The following SCCPDH variants were observed in gnomAD, a reference collection of about 807,000 sequenced individuals.
The protein encoded by SCCPDH is saccharopine dehydrogenase (putative).
Under a neutral mutation model 51.5 loss-of-function variants are expected in SCCPDH, and 34 were observed. The observed-to-expected ratio is 0.66, with a 90% CI of 0.50 to 0.88. The LOEUF (loss-of-function observed/expected upper bound fraction) is 0.88, where lower values mean the gene tolerates loss of function less well. SCCPDH is among the 40% of genes least tolerant of loss of function. The pLI is 0.00. For synonymous variants in SCCPDH, 187 were observed against 191.3 expected, an observed-to-expected ratio of 0.98 and a Z score of 0.19; for missense variants, 464 against 527.1, an observed-to-expected ratio of 0.88 and a Z score of 1.17.
chr1:246,737,115 A>G (rs1330693528), intron 3 of SCCPDH, among the ~76,000 whole-genome samples: 1 of 152,140 alleles, frequency 6.6e-6, no homozygotes, highest in African/African-American at 2.4e-5. Flanking sequence ...ACTGATTATC[A>G]TCATCAGCAT....
intron 5 of SCCPDH, among the ~76,000 whole-genome samples, chr1:246,748,175 G>A (rs1293280150): frequency 3.3e-5 from 5 of 152,092 alleles, no homozygotes; most frequent in Non-Finnish European, 1.5e-5. Flanking sequence ...GTTTTAGTTA[G>A]TGCTGCATCT....
At chr1:246,761,580 G>A (rs1341990086) in intron 9 of SCCPDH, among the ~76,000 whole-genome samples, 1 of 152,076 alleles carries the variant, frequency 6.6e-6, no homozygotes, top group African/African-American at 2.4e-5. Context: ...CCCAGCCCCG[G>A]CAACCGCATT....
At chr1:246,730,625 A>T (rs548610092) in intron 2 of SCCPDH, among the ~76,000 whole-genome samples, 4 of 152,242 alleles carry the variant, frequency 2.6e-5, no homozygotes, top group Admixed American at 6.5e-5. Flanking sequence ...TAGTCAGTCC[A>T]TATAGTAACC....
At chr1:246,756,949 TAGAA>T (rs1668940084) in intron 5 of SCCPDH, among the ~76,000 whole-genome samples, 1 of 152,142 alleles carries the variant, frequency 6.6e-6, no homozygotes, top group Non-Finnish European at 1.5e-5. Flanking sequence ...GTAAACAACA[TAGAA>T]GGAAGGACAT....
At position 246,726,898 on chromosome 1, in the gene SCCPDH, C is replaced by G; in HGVS notation, c.197C>G (p.Pro66Arg). ...LEKAALKLGR[P>R]TLSSEVGIII... The stretch of plus-strand genomic sequence containing the variant: ...CATTTGTTTCTTATTTTAGGAAGAC[C>G]AACACTGTCATCTGAAGTTGGAATC... The change falls in exon 2 of 12, where the codon CCA becomes CGA. Residue 66 changes from proline (P) to arginine (R), a missense_variant. Physicochemically the swap from Pro to Arg is moderately radical, Grantham distance 103 (BLOSUM62 -2). Coordinates refer to ENST00000366510, the MANE Select transcript of SCCPDH (RefSeq NM_016002.3). 2 of 1,610,628 alleles carry G rather than the reference C, an allele frequency of 1.2e-6. No individual in the cohort carries two copies. The highest frequency in any genetic ancestry group is 1.7e-6 in the Non-Finnish European group (2 of 1,177,008).
intron 1 of SCCPDH, among the ~76,000 whole-genome samples, chr1:246,726,100 AC>A (rs1668396321): frequency 6.6e-6 from 1 of 151,752 alleles, no homozygotes. Flanking sequence ...CTCGTGATCC[AC>A]CCTTCTCGGC....
intron 5 of SCCPDH, among the ~76,000 whole-genome samples, chr1:246,752,779 G>A (rs1018394072): frequency 7.9e-5 from 12 of 151,870 alleles, no homozygotes; most frequent in African/African-American, 2.4e-4. Flanking sequence ...CCAAATTTTA[G>A]TACTAAATCT....
chr1:246,746,435 G>A (rs1480573119), intron 5 of SCCPDH, among the ~76,000 whole-genome samples: 4 of 152,176 alleles, frequency 2.6e-5, no homozygotes, highest in South Asian at 2.1e-4. Context: ...AGGACGCGGC[G>A]CCGGGCTGTC....
At chr1:246,731,262 C>T (rs1003547037) in intron 2 of SCCPDH, among the ~76,000 whole-genome samples, 3 of 152,168 alleles carry the variant, frequency 2.0e-5, no homozygotes, top group African/African-American at 7.2e-5. Context: ...AGTGAGAAGT[C>T]TCAACTCCAG....
At chr1:246,740,514 T>G (rs1219076560) in intron 4 of SCCPDH, among the ~76,000 whole-genome samples, 1 of 152,200 alleles carries the variant, frequency 6.6e-6, no homozygotes, top group Non-Finnish European at 1.5e-5. Context: ...TATTTTACAG[T>G]GATATATTAT....
At chr1:246,739,446 C>G (rs921427220) in intron 3 of SCCPDH, among the ~76,000 whole-genome samples, 1 of 152,246 alleles carries the variant, frequency 6.6e-6, no homozygotes, top group Admixed American at 6.5e-5. Context: ...TGTGAGAAAC[C>G]GTCGCAGCCA....
intron 2 of SCCPDH, among the ~76,000 whole-genome samples, chr1:246,731,147 CT>C (rs1668484940): frequency 1.3e-5 from 2 of 152,264 alleles, no homozygotes; most frequent in African/African-American, 2.4e-5. Context: ...GGAGAAGTGT[CT>C]CCCCGAGATG....
At position 246,766,046 on chromosome 1, in the gene SCCPDH, T is replaced by G; in HGVS notation, c.1103-12T>G. On this transcript the variant is annotated splice_polypyrimidine_tract_variant and intron_variant, in intron 10 of 11. Coordinates refer to ENST00000366510, the MANE Select transcript of SCCPDH (RefSeq NM_016002.3). ...ATTCCTTTCTTTTTCCCTGATCAAC[T>G]GTTTTCTGCAGAGGCTGGCTATGTG... The G allele has an allele frequency of 6.3e-7, 1 of 1,584,702 alleles. No homozygotes were observed. Among genetic ancestry groups the G allele is most frequent in the Non-Finnish European group, 8.6e-7 (1 of 1,163,792 alleles).
chr1:246,758,980 C>A, intron 6 of SCCPDH, 54 bp from the exon 7 acceptor site: 1 of 1,010,858 alleles, frequency 9.9e-7, no homozygotes, highest in Non-Finnish European at 1.6e-6. Context: ...AGACATTTAC[C>A]AGCCAAAGTT....
At chr1:246,760,821 G>A (rs1009428208) in intron 9 of SCCPDH, among the ~76,000 whole-genome samples, 5 of 152,102 alleles carry the variant, frequency 3.3e-5, no homozygotes, top group African/African-American at 7.2e-5. Context: ...GCAAGTTCCC[G>A]TTTCCCCCTC....
intron 5 of SCCPDH, among the ~76,000 whole-genome samples, chr1:246,745,062 A>T (rs1338862212): frequency 6.6e-6 from 1 of 152,244 alleles, no homozygotes; most frequent in Non-Finnish European, 1.5e-5. Context: ...CCTTAGTGCA[A>T]GTCAGCATAG....
intron 4 of SCCPDH, among the ~76,000 whole-genome samples, chr1:246,742,780 T>C (rs1668699473): frequency 6.6e-6 from 1 of 152,184 alleles, no homozygotes; most frequent in Admixed American, 6.5e-5. Flanking sequence ...ATATTTCATT[T>C]ATCAGATTTT....
At chr1:246,746,210 C>G (rs1485197874) in intron 5 of SCCPDH, among the ~76,000 whole-genome samples, 1 of 151,460 alleles carries the variant, frequency 6.6e-6, no homozygotes, top group Non-Finnish European at 1.5e-5. Flanking sequence ...TGAGCAATTG[C>G]TGTCCCTTTT....
chr1:246,733,205 G>C (rs1272618974), intron 2 of SCCPDH, among the ~76,000 whole-genome samples: 1 of 152,100 alleles, frequency 6.6e-6, no homozygotes, highest in Non-Finnish European at 1.5e-5. Context: ...TCCAGCCTCA[G>C]CCCTGAAAGT....
Sources: allele counts gnomAD v4.1 joint callset (sites outside exome capture counted in the v4.1 genomes callset), GRCh38; gene constraint gnomAD v4.1.1; transcripts MANE v1.5; gene names NCBI Gene and HGNC (gene_info 2026-07-23, HGNC 2026-07-21).